Variants in SLC25A28 observed in about 807,000 individuals in gnomAD.
SLC25A28 encodes the protein solute carrier family 25 member 28, also known as mitoferrin-2.
A neutral mutation model predicts 31.9 loss-of-function variants in SLC25A28; 10 were observed. That is an observed-to-expected ratio of 0.31 (90% CI 0.19 to 0.53). The LOEUF (loss-of-function observed/expected upper bound fraction) is 0.53. Ranked by LOEUF, SLC25A28 falls within the 20% of genes least tolerant of loss-of-function variation. The pLI, the probability that SLC25A28 is intolerant of heterozygous loss-of-function variation, is 0.95. For synonymous variants in SLC25A28, 208 were observed against 203.6 expected (o/e 1.02, Z -0.19); for missense variants, 256 against 490.3 (o/e 0.52, Z 4.51).
At chr10:99,625,682 C>G in the SLC25A28 span, among the ~76,000 whole-genome samples, 1 of 152,188 alleles carries the variant, frequency 6.6e-6, no homozygotes, top group African/African-American at 2.4e-5. Flanking sequence ...TGGCAATCAA[C>G]ATTGGAGGTG....
chr10:99,620,787 A>C, upstream of SLC25A28: 1 of 985,450 alleles, frequency 1.0e-6, no homozygotes. Context: ...TCGGTCCCCG[A>C]TTGGCTACAG....
At chr10:99,612,759 T>G in intron 2 of SLC25A28, 160 bp from the exon 3 acceptor site, 1 of 742,418 alleles carries the variant, frequency 1.3e-6, no homozygotes. Context: ...TAAACTCCTG[T>G]TTAAGAAGGT....
chr10:99,619,307 G>A (rs1477735737), intron 1 of SLC25A28: 1 of 985,204 alleles, frequency 1.0e-6, no homozygotes, highest in Admixed American at 6.1e-5. Context: ...AACTTCAGGT[G>A]GCCAAAGAAA....
At chr10:99,617,819 A>T in intron 1 of SLC25A28, 1 of 982,130 alleles carries the variant, frequency 1.0e-6, no homozygotes, top group Non-Finnish European at 1.2e-6. Context: ...ATGTTGTATG[A>T]CTAATTTTTA....
chr10:99,626,219 C>T, the SLC25A28 span, among the ~76,000 whole-genome samples: 2 of 152,154 alleles, frequency 1.3e-5, no homozygotes, highest in African/African-American at 2.4e-5. Flanking sequence ...AGACTGCTAA[C>T]CTTACAGCCA....
the SLC25A28 span, among the ~76,000 whole-genome samples, chr10:99,640,914 C>T: frequency 1.3e-5 from 2 of 151,824 alleles, no homozygotes; most frequent in Non-Finnish European, 3.0e-5. Context: ...TTTATGGCTG[C>T]ATAGTATTCC....
chr10:99,623,467 T>G (rs1321002164), upstream of SLC25A28, among the ~76,000 whole-genome samples: 1 of 152,214 alleles, frequency 6.6e-6, no homozygotes, highest in African/African-American at 2.4e-5. Context: ...CCATTCAGAA[T>G]CATCATCATT....
At chr10:99,647,090 A>T in the SLC25A28 span, among the ~76,000 whole-genome samples, 1 of 152,114 alleles carries the variant, frequency 6.6e-6, no homozygotes, top group African/African-American at 2.4e-5. Context: ...GTTTGATTTC[A>T]TCTTTGTTAT....
the SLC25A28 span, among the ~76,000 whole-genome samples, chr10:99,658,918 T>G: frequency 6.6e-6 from 1 of 152,202 alleles, no homozygotes; most frequent in Non-Finnish European, 1.5e-5. Flanking sequence ...AGACATTCAA[T>G]GAATGAATGA....
At chr10:99,649,077 T>A in the SLC25A28 span, among the ~76,000 whole-genome samples, 5 of 152,206 alleles carry the variant, frequency 3.3e-5, no homozygotes, top group African/African-American at 1.2e-4. Flanking sequence ...CTAAGTGTGA[T>A]GTTGGCTGTG....
At chr10:99,653,008 CATT>C in the SLC25A28 span, among the ~76,000 whole-genome samples, 7 of 152,144 alleles carry the variant, frequency 4.6e-5, no homozygotes, top group Non-Finnish European at 5.9e-5. Flanking sequence ...TTGATGATGT[CATT>C]ATGAATATCC....
At chr10:99,655,782 A>G in the SLC25A28 span, among the ~76,000 whole-genome samples, 1 of 152,186 alleles carries the variant, frequency 6.6e-6, no homozygotes, top group Non-Finnish European at 1.5e-5. Flanking sequence ...GTATGGGCCC[A>G]CCATGATTGA....
intron 1 of SLC25A28, among the ~76,000 whole-genome samples, chr10:99,614,242 T>C (rs544481716): frequency 3.7e-4 from 57 of 152,340 alleles, no homozygotes; most frequent in African/African-American, 1.3e-3. Context: ...AAGTTGCTTT[T>C]GTGCCTTAAT....
In SLC25A28 at chr10:99,612,439, C is replaced by T. The variant is rs1332755074; in HGVS notation, c.577+104G>A. On this transcript the variant is annotated intron_variant, in intron 3 of 3. Transcript: ENST00000370495. ...GAGGGAGCACCCTCTAGTGGTAAAA[C>T]AAGGTAACAGAATTTCCCACCAAAA... 58 of 1,341,544 alleles carry T rather than the reference C, an allele frequency of 4.3e-5. No individual in the cohort carries two copies. In the Admixed American group the frequency reaches 4.9e-4, roughly 11 times the overall value. 83.1% of individuals were successfully genotyped at this position (1,341,544 alleles called of 1,614,324 possible).
At chr10:99,652,733 C>A in the SLC25A28 span, among the ~76,000 whole-genome samples, 10 of 152,142 alleles carry the variant, frequency 6.6e-5, no homozygotes, top group Non-Finnish European at 1.0e-4. Flanking sequence ...ACTGTACCCC[C>A]ACCCCAGCCT....
chr10:99,655,287 G>A, the SLC25A28 span, among the ~76,000 whole-genome samples: 1 of 152,138 alleles, frequency 6.6e-6, no homozygotes, highest in East Asian at 1.9e-4. Context: ...CTGCATTCCA[G>A]CCTGGGGGAC....
chr10:99,658,304 G>T, the SLC25A28 span, among the ~76,000 whole-genome samples: 1 of 152,098 alleles, frequency 6.6e-6, no homozygotes, highest in Non-Finnish European at 1.5e-5. Flanking sequence ...TAAAGCATTT[G>T]GGTGGTCTTC....
intron 1 of SLC25A28, chr10:99,617,717 T>G: frequency 1.0e-6 from 1 of 985,482 alleles, no homozygotes; most frequent in Non-Finnish European, 1.2e-6. Context: ...AAATGAGCCT[T>G]CTAAAATAAG....
upstream of SLC25A28, among the ~76,000 whole-genome samples, chr10:99,624,475 A>G (rs930990042): frequency 1.3e-5 from 2 of 152,178 alleles, no homozygotes; most frequent in African/African-American, 4.8e-5. Context: ...GTAAGCACCT[A>G]ACCTGCACAC....
Sources: gnomAD v4.1 joint callset for allele counts (sites outside exome capture counted in the v4.1 genomes callset) on GRCh38, gnomAD v4.1.1 for gene constraint, MANE v1.5 for transcripts, NCBI Gene and HGNC (gene_info 2026-07-23, HGNC 2026-07-21) for gene names.